Variants in SHF observed in about 807,000 individuals in gnomAD.
SHF encodes SH2 domain-containing adapter protein F.
A neutral mutation model predicts 42.4 loss-of-function variants in SHF; 30 were observed. That is an observed-to-expected ratio of 0.71 (90% CI 0.53 to 0.96). SHF has a LOEUF of 0.96. Among genes scored for constraint, SHF ranks in the 40% least tolerant of loss-of-function variants. The pLI, the probability that SHF is intolerant of heterozygous loss-of-function variation, is 0.00. For synonymous variants in SHF, 264 were observed against 269.9 expected, an observed-to-expected ratio of 0.98 and a Z score of 0.21; for missense variants, 598 against 634.0, an observed-to-expected ratio of 0.94 and a Z score of 0.61.
chr15:45,178,156 G>C lies in SHF; in HGVS notation c.640+9C>G. Reference sequence around the variant, plus strand: ...CTCAGGGAGCACCTCCCCTGCCCCTGTCACTCACCGGCCATCATCTTTTGA... The same window carrying C: ...CTCAGGGAGCACCTCCCCTGCCCCTCTCACTCACCGGCCATCATCTTTTGA... On this transcript the variant is annotated intron_variant, in intron 2 of 6. Coordinates refer to ENST00000690270, the MANE Select transcript of SHF (RefSeq NM_001394037.1). 6.2e-7 allele frequency: 1 copy of C among 1,611,334 alleles called. No individual in the cohort carries two copies. Among genetic ancestry groups the C allele is most frequent in the Non-Finnish European group, 8.5e-7 (1 of 1,179,486 alleles).
At chr15:45,180,130 C>T (rs1396062984) in intron 1 of SHF, among the ~76,000 whole-genome samples, 1 of 152,172 alleles carries the variant, frequency 6.6e-6, no homozygotes, top group Non-Finnish European at 1.5e-5. Context: ...ATTACCACCA[C>T]TGGACTATTC....
intron 1 of SHF, among the ~76,000 whole-genome samples, chr15:45,178,615 A>C (rs1006390265): frequency 1.3e-5 from 2 of 150,442 alleles, no homozygotes; most frequent in African/African-American, 4.9e-5. Context: ...GCTCACTGCA[A>C]CTTCCATCTA....
chr15:45,178,125 C>T, intron 2 of SHF, 40 bp downstream of exon 2: 1 of 1,598,202 alleles, frequency 6.3e-7, no homozygotes. Flanking sequence ...TCTGCAGAGC[C>T]CAGGCCTCAG....
At chr15:45,175,107 G>A (rs1897729345) in intron 3 of SHF, 112 bp downstream of exon 3, 2 of 1,173,872 alleles carry the variant, frequency 1.7e-6, no homozygotes, top group South Asian at 2.8e-5. Flanking sequence ...CATTTCCCTG[G>A]AGTCCTGATC....
chr15:45,186,970 CAGGAGGAGGAAG>C (rs1396964984), intron 1 of SHF, among the ~76,000 whole-genome samples: 9 of 152,318 alleles, frequency 5.9e-5, no homozygotes, highest in East Asian at 1.9e-4. Flanking sequence ...GCTGGAGAAA[CAGGAGGAGGAAG>C]AGGAGGAGGA....
exon 1 of SHF, chr15:45,201,028 G>C (rs1020027562): frequency 5.7e-6 from 2 of 353,004 alleles, no homozygotes; most frequent in African/African-American, 4.3e-5. Context: ...CTGCTCTTGC[G>C]GGTGAACGTG....
chr15:45,174,605 C>T (rs1897695581), intron 3 of SHF, among the ~76,000 whole-genome samples: 1 of 152,200 alleles, frequency 6.6e-6, no homozygotes, highest in Non-Finnish European at 1.5e-5. Context: ...AAAGCCCTCT[C>T]CCTACTCCAG....
chr15:45,184,994 C>T (rs1028684286), intron 1 of SHF, among the ~76,000 whole-genome samples: 2 of 152,254 alleles, frequency 1.3e-5, no homozygotes, highest in African/African-American at 4.8e-5. Flanking sequence ...CCCCCTGGGC[C>T]TCTCGGTACT....
At chr15:45,186,590 T>C in intron 1 of SHF, among the ~76,000 whole-genome samples, 1 of 152,232 alleles carries the variant, frequency 6.6e-6, no homozygotes, top group Admixed American at 6.5e-5. Flanking sequence ...GGCAGGGCCC[T>C]GAGGCATGGT....
intron 1 of SHF, chr15:45,199,192 C>T (rs1295567083): frequency 8.3e-7 from 1 of 1,204,246 alleles, no homozygotes; most frequent in Non-Finnish European, 1.1e-6. Flanking sequence ...CCACTTCCTT[C>T]CAGCCTCTCA....
chr15:45,199,500 G>A (rs1017849692), intron 1 of SHF, among the ~76,000 whole-genome samples: 1 of 152,178 alleles, frequency 6.6e-6, no homozygotes, highest in African/African-American at 2.4e-5. Context: ...AGAGCCGCGG[G>A]AGGGATCTTG....
chr15:45,179,263 C>T (rs553704592), intron 1 of SHF, among the ~76,000 whole-genome samples: 41 of 152,350 alleles, frequency 2.7e-4, no homozygotes, highest in African/African-American at 9.6e-4. Context: ...GACCATTCTA[C>T]GTAAGTGGAG....
At chr15:45,197,884 A>G (rs2141456093) in intron 2 of SHF, among the ~76,000 whole-genome samples, 1 of 152,310 alleles carries the variant, frequency 6.6e-6, no homozygotes, top group East Asian at 1.9e-4. Flanking sequence ...GTTTTATGCA[A>G]AAAGCAAGGA....
intron 2 of SHF, among the ~76,000 whole-genome samples, chr15:45,176,849 G>C (rs1163181918): frequency 6.6e-6 from 1 of 152,138 alleles, no homozygotes; most frequent in East Asian, 1.9e-4. Flanking sequence ...TGACCTAAAT[G>C]GGGTAGTCAG....
intron 6 of SHF, 82 bp from the exon 7 acceptor site, chr15:45,168,215 C>T (rs1897311536): frequency 1.6e-5 from 21 of 1,354,646 alleles, no homozygotes; most frequent in Non-Finnish European, 1.9e-5. Context: ...CTCCCCAACC[C>T]TACAGCAAAT....
chr15:45,178,098 T>G (rs1897920985), intron 2 of SHF, 67 bp downstream of exon 2: 1 of 1,546,988 alleles, frequency 6.5e-7, no homozygotes, highest in Non-Finnish European at 8.7e-7. Context: ...CTTAGACTTG[T>G]GAGTCGCAAA....
chr15:45,192,931 A>T (rs995128333), upstream of SHF, among the ~76,000 whole-genome samples: 1 of 152,190 alleles, frequency 6.6e-6, no homozygotes, highest in Non-Finnish European at 1.5e-5. Flanking sequence ...CTAGTGCGTT[A>T]CACCAGAAGG....
In SHF at chr15:45,167,926, C is replaced by T. The variant is rs755137147; in HGVS notation, c.*21G>A. ...GGCACAGGGCTGGGTACAGGTCTAT[C>T]ACAGTGCCCTGGCTTCACATCTAAA... On this transcript the variant is annotated 3_prime_UTR_variant, in exon 7 of 7. Coordinates refer to ENST00000690270, the MANE Select transcript of SHF (RefSeq NM_001394037.1). The T allele has an allele frequency of 2.0e-5, 31 of 1,573,130 alleles. No homozygotes were observed. The South Asian group carries it at 3.1e-4, about 16-fold the overall frequency.
At chr15:45,195,833 A>C (rs777251026) in intron 2 of SHF, among the ~76,000 whole-genome samples, 33 of 152,140 alleles carry the variant, frequency 2.2e-4, no homozygotes, top group Non-Finnish European at 3.5e-4. Context: ...TTGCTGTCCA[A>C]GTCTGGTCCT....
Sources: allele counts gnomAD v4.1 joint callset (sites outside exome capture counted in the v4.1 genomes callset), GRCh38; gene constraint gnomAD v4.1.1; transcripts MANE v1.5; gene names NCBI Gene and HGNC (gene_info 2026-07-23, HGNC 2026-07-21).